The following TUSC3 variants were observed in gnomAD, a reference collection of about 807,000 sequenced individuals.
TUSC3 encodes the protein dolichyl-diphosphooligosaccharide--protein glycosyltransferase subunit TUSC3.
TUSC3 carries 45 observed loss-of-function variants against 44.8 expected under a neutral mutation model. That is an observed-to-expected ratio of 1.00 (90% confidence interval 0.79 to 1.29). The LOEUF is 1.29. Ranked by LOEUF, TUSC3 falls within the 50% of genes most tolerant of loss-of-function variation. TUSC3 has a pLI of 0.00. For missense variants in TUSC3, 519 were observed against 437.9 expected, an observed-to-expected ratio of 1.19 and a Z score of -1.65; for synonymous variants, 212 against 152.9, an observed-to-expected ratio of 1.39 and a Z score of -2.85.
At chr8:15,640,406 C>T (rs1159609628) in intron 2 of TUSC3, among the ~76,000 whole-genome samples, 2 of 152,140 alleles carry the variant, frequency 1.3e-5, no homozygotes, top group Non-Finnish European at 2.9e-5. Context: ...TGAATGTGAC[C>T]ATGTGCTGAT....
chr8:15,574,224 C>A (rs910300643), intron 1 of TUSC3, among the ~76,000 whole-genome samples: 1 of 152,114 alleles, frequency 6.6e-6, no homozygotes, highest in Non-Finnish European at 1.5e-5. Flanking sequence ...CTTACTCCCA[C>A]CCTTCCTCTT....
chr8:15,675,897 A>G lies in TUSC3; in HGVS notation c.798+2061A>G, dbSNP rs146235394. Among the ~76,000 whole-genome samples the G allele has an allele frequency of 3.0e-3, 460 of 152,308 alleles. 2 individuals carry two copies. The highest frequency in any genetic ancestry group is 9.8e-3 in the African/African-American group (408 of 41,570). ...TTGAGAATAATGCTGCAATGAACAT[A>G]CAAGTGTATGTGTCTTTTTTGTAGA... On this transcript the variant is annotated intron_variant, in intron 6 of 10. Transcript: ENST00000503731.
the TUSC3 span, among the ~76,000 whole-genome samples, chr8:15,845,052 T>G: frequency 6.6e-6 from 1 of 152,120 alleles, no homozygotes; most frequent in African/African-American, 2.4e-5. Context: ...ACCACCTAAT[T>G]AAAAAATCTC....
chr8:15,458,774 A>G (rs1239114987), intron 1 of TUSC3, among the ~76,000 whole-genome samples: 1 of 152,218 alleles, frequency 6.6e-6, no homozygotes, highest in Non-Finnish European at 1.5e-5. Flanking sequence ...ACCAATCTTC[A>G]CTAGGGAAGA....
Position 15,578,759 on chromosome 8 carries a change from T to C in TUSC3, c.138+38191T>C, listed in dbSNP as rs371774428. On this transcript the variant is annotated intron_variant, in intron 1 of 10. Transcript: ENST00000503731. ...TTTTTGCATCAATGTTCATCAAGGA[T>C]ATTGGTCTAAAATTCTCTTTTTTTG... Among the ~76,000 whole-genome samples, 5 of 152,246 alleles carry C rather than the reference T, an allele frequency of 3.3e-5. No homozygotes were observed. In the East Asian group the frequency reaches 5.8e-4, roughly 18 times the overall value.
intron 2 of TUSC3, among the ~76,000 whole-genome samples, chr8:15,626,705 G>C (rs1805525184): frequency 6.6e-6 from 1 of 152,206 alleles, no homozygotes; most frequent in African/African-American, 2.4e-5. Context: ...CTTGGAGCAA[G>C]GATTGGGCAC....
chr8:15,466,677 G>C (rs1325488412), intron 1 of TUSC3, among the ~76,000 whole-genome samples: 1 of 152,122 alleles, frequency 6.6e-6, no homozygotes, highest in Non-Finnish European at 1.5e-5. Context: ...CTGAACAGTA[G>C]ATTAAGGAAA....
intron 6 of TUSC3, among the ~76,000 whole-genome samples, chr8:15,687,636 G>A (rs1808694436): frequency 6.6e-6 from 1 of 152,224 alleles, no homozygotes; most frequent in South Asian, 2.1e-4. Flanking sequence ...AGCCCAGACT[G>A]CTCTTACACT....
the TUSC3 span, among the ~76,000 whole-genome samples, chr8:15,775,316 G>C: frequency 6.6e-6 from 1 of 152,040 alleles, no homozygotes; most frequent in Non-Finnish European, 1.5e-5. Context: ...GGTAGGATGG[G>C]GAGTGACTAT....
chr8:15,480,785 C>G (rs1800647943), intron 1 of TUSC3, among the ~76,000 whole-genome samples: 1 of 152,178 alleles, frequency 6.6e-6, no homozygotes, highest in Non-Finnish European at 1.5e-5. Context: ...CTCATTTAAC[C>G]TATTACCTAT....
intron 1 of TUSC3, among the ~76,000 whole-genome samples, chr8:15,452,943 T>C (rs543523546): frequency 2.0e-5 from 3 of 152,194 alleles, no homozygotes; most frequent in African/African-American, 7.2e-5. Context: ...GGTAAGTTCT[T>C]TTATCCCTGC....
chr8:15,691,682 C>T (rs994831311), intron 6 of TUSC3, among the ~76,000 whole-genome samples: 3 of 152,068 alleles, frequency 2.0e-5, no homozygotes, highest in African/African-American at 7.2e-5. Context: ...AAATATGTTC[C>T]TTCAGTGTCT....
chr8:15,517,317 G>C (rs757781201), intron 2 of TUSC3, among the ~76,000 whole-genome samples: 22 of 152,064 alleles, frequency 1.4e-4, no homozygotes, highest in Non-Finnish European at 3.1e-4. Context: ...GTTTCTAGCA[G>C]TGCTCTATTC....
chr8:15,808,586 G>A, the TUSC3 span, among the ~76,000 whole-genome samples: 215 of 152,160 alleles, frequency 1.4e-3, 6 homozygotes, highest in East Asian at 0.028. Flanking sequence ...ACCTGCCATC[G>A]TTACATCTTC....
the TUSC3 span, among the ~76,000 whole-genome samples, chr8:15,772,038 A>C: frequency 6.6e-6 from 1 of 152,044 alleles, no homozygotes; most frequent in Non-Finnish European, 1.5e-5. Flanking sequence ...GCAGTGAGCC[A>C]GGATCGCGCC....
chr8:15,810,554 C>T, the TUSC3 span, among the ~76,000 whole-genome samples: 3 of 152,116 alleles, frequency 2.0e-5, no homozygotes, highest in East Asian at 1.9e-4. Flanking sequence ...GGGAGGATCA[C>T]TTGAGCCCAG....
the TUSC3 span, chr8:15,806,236 T>A: frequency 1.8e-6 from 1 of 556,412 alleles, no homozygotes. Flanking sequence ...ACATTTTGCT[T>A]GTTTGCCAAT....
intron 2 of TUSC3, among the ~76,000 whole-genome samples, chr8:15,632,978 T>C (rs1805883030): frequency 6.6e-6 from 1 of 152,192 alleles, no homozygotes; most frequent in South Asian, 2.1e-4. Flanking sequence ...TGGTTCCTCT[T>C]CGTAGGAAAT....
At chr8:15,502,751 A>C (rs1352901510) in intron 2 of TUSC3, among the ~76,000 whole-genome samples, 1 of 152,158 alleles carries the variant, frequency 6.6e-6, no homozygotes, top group Non-Finnish European at 1.5e-5. Context: ...TTGGCCTCCC[A>C]AAGTGCTGGG....
Sources: gnomAD v4.1 joint callset for allele counts (sites outside exome capture counted in the v4.1 genomes callset) on GRCh38, gnomAD v4.1.1 for gene constraint, MANE v1.5 for transcripts, NCBI Gene and HGNC (gene_info 2026-07-23, HGNC 2026-07-21) for gene names.